CD1D: variants seen among roughly 807,000 people sequenced by gnomAD.
The protein encoded by CD1D is antigen-presenting glycoprotein CD1d.
In CD1D, 40 loss-of-function variants were observed where a neutral mutation model predicts 42.1. The observed-to-expected ratio is 0.95, with a 90% confidence interval of 0.74 to 1.24. CD1D has a LOEUF of 1.24. Among genes scored for constraint, CD1D ranks in the 50% most tolerant of loss-of-function variants. CD1D has a pLI of 0.00. For missense variants in CD1D, 437 were observed against 416.5 expected, an observed-to-expected ratio of 1.05 and a Z score of -0.43; for synonymous variants, 178 against 171.8, an observed-to-expected ratio of 1.04 and a Z score of -0.28.
Position 158,183,920 on chromosome 1 carries a change from T to G in CD1D, c.887-16T>G. On this transcript the variant is annotated splice_polypyrimidine_tract_variant and intron_variant, in intron 4 of 5. Transcript: ENST00000674085. ...GGGTCCTGTGCTGAGAGACAGCCTATGTTCCTCCAGAGCAGGTGGGAGCTA... is the reference window on the plus strand; with the variant it reads ...GGGTCCTGTGCTGAGAGACAGCCTAGGTTCCTCCAGAGCAGGTGGGAGCTA... 1 of 1,605,894 alleles carries G rather than the reference T, an allele frequency of 6.2e-7. No homozygotes were observed. Among genetic ancestry groups the G allele is most frequent in the South Asian group, 1.1e-5 (1 of 90,920 alleles).
rs1414546338 is a variant in CD1D at position 158,185,129 on chromosome 1, C to T, written c.*979C>T. On this transcript the variant is annotated 3_prime_UTR_variant, in exon 6 of 6. Coordinates refer to ENST00000674085, the MANE Select transcript of CD1D (RefSeq NM_001371762.2). ...CTGCAGCGATGATGGTGATGGTAGC[C>T]CAGCCATGCTGTGTTCTTATCTTAG... 6.6e-6 allele frequency among the ~76,000 whole-genome samples: 1 copy of T among 152,078 alleles called. No individual in the cohort carries two copies. Among genetic ancestry groups the T allele is most frequent in the African/African-American group, 2.4e-5 (1 of 41,396 alleles).
chr1:158,180,346 G>A (rs146318202), upstream of CD1D, among the ~76,000 whole-genome samples: 2 of 152,240 alleles, frequency 1.3e-5, no homozygotes, highest in Non-Finnish European at 1.5e-5. Flanking sequence ...AGCCTAGGGC[G>A]GAGAGGAGGA....
chr1:158,183,948 C>A lies in CD1D; in HGVS notation c.899C>A (p.Thr300Asn), dbSNP rs972355579. 3.1e-6 allele frequency: 5 copies of A among 1,613,928 alleles called. No individual in the cohort carries two copies. Among genetic ancestry groups the A allele is most frequent in the South Asian group, 2.2e-5 (2 of 91,080 alleles). ...DIVLYWGGSYTSMGLIALAVL... is the reference protein window; with the variant it reads ...DIVLYWGGSYNSMGLIALAVL... ...TCCTCCAGAGCAGGTGGGAGCTACA[C>A]CTCCATGGGCTTGATTGCCTTGGCA... is the stretch of plus-strand genomic sequence containing the variant. Residue 300 changes from threonine to asparagine, a missense_variant, in exon 5 of 6, where the codon ACC becomes AAC. Coordinates refer to ENST00000674085, the MANE Select transcript of CD1D (RefSeq NM_001371762.2).
chr1:158,181,025 G>C lies in CD1D; in HGVS notation c.-77G>C. The C allele has an allele frequency of 7.6e-7, 1 of 1,320,038 alleles. No homozygotes were observed. The highest frequency in any genetic ancestry group is 1.0e-6 in the Non-Finnish European group (1 of 976,436). 81.8% of individuals were successfully genotyped at this position (1,320,038 alleles called of 1,614,324 possible). A position where few individuals can be genotyped will look rare whatever the true frequency, so the allele number is the denominator to read the frequency against. ...CACCCAGCGGAAAGGGACGTGAGCTGAGCGGCGGGGGAGAAGAGTGCGCAG... is the reference window on the plus strand; with the variant it reads ...CACCCAGCGGAAAGGGACGTGAGCTCAGCGGCGGGGGAGAAGAGTGCGCAG... On this transcript the variant is annotated 5_prime_UTR_variant, in exon 1 of 6. Coordinates refer to ENST00000674085, the MANE Select transcript of CD1D (RefSeq NM_001371762.2).
rs1648535342 is a variant in CD1D, at chr1:158,183,119, C to T, written c.849C>T (p.His283=). The T allele has an allele frequency of 6.2e-7, 1 of 1,613,446 alleles. No individual in the cohort carries two copies. The part of the protein sequence containing the change: ...EAAGLSCRVK[H]SSLEGQDIVL... ...CTGGCCTGTCCTGTCGGGTGAAGCACAGCAGTCTAGAGGGCCAGGACATCG... is the reference window on the plus strand; with the variant it reads ...CTGGCCTGTCCTGTCGGGTGAAGCATAGCAGTCTAGAGGGCCAGGACATCG... The change falls in exon 4 of 6, where the codon CAC becomes CAT. Residue 283 remains histidine, a synonymous_variant. Transcript: ENST00000674085.
Position 158,181,121 on chromosome 1 carries a change from T to A in CD1D, c.20T>A (p.Leu7Gln). 1 of 1,548,432 alleles carries A rather than the reference T, an allele frequency of 6.5e-7. No homozygotes were observed. The highest frequency in any genetic ancestry group is 8.7e-7 in the Non-Finnish European group (1 of 1,146,262). ...GGCGATATGGGGTGCCTGCTGTTTC[T>A]GCTGCTCTGGGCGCTCCTCCAGGCT... is the stretch of plus-strand genomic sequence containing the variant. MGCLLF[L>Q]LLWALLQAWG... Residue 7 changes from leucine (L) to glutamine (Q), a missense_variant, in exon 1 of 6, where the codon CTG becomes CAG. Transcript: ENST00000674085.
chr1:158,183,496 G>T (rs1648556640), intron 4 of CD1D, among the ~76,000 whole-genome samples: 1 of 152,212 alleles, frequency 6.6e-6, no homozygotes, highest in South Asian at 2.1e-4. Flanking sequence ...AGCAAAGATA[G>T]CTTGGTTGGT....
Position 158,182,141 on chromosome 1 carries a change from A to G in CD1D, c.438A>G (p.Gly146=), listed in dbSNP as rs755899016. The G allele has an allele frequency of 9.3e-6, 15 of 1,614,176 alleles. No homozygotes were observed. Among genetic ancestry groups the G allele is most frequent in the Middle Eastern group, 1.6e-4 (1 of 6,062 alleles). ...FQGKDILSFQ[G]TSWEPTQEAP... Reference sequence around the variant, plus strand: ...GAAAAGATATCCTGAGTTTCCAAGGAACTTCTTGGGAGCCAACCCAAGAGG... The same window carrying G: ...GAAAAGATATCCTGAGTTTCCAAGGGACTTCTTGGGAGCCAACCCAAGAGG... Residue 146 remains glycine, a synonymous_variant, in exon 3 of 6, where the codon GGA becomes GGG. Transcript: ENST00000674085.
At chr1:158,182,829 A>ACTAG in intron 3 of CD1D, 49 bp from the exon 4 acceptor site, 2 of 1,550,714 alleles carry the variant, frequency 1.3e-6, no homozygotes, top group South Asian at 1.2e-5. Context: ...GGAGCCTCTA[A>ACTAG]TGCAGAGTTT....
rs763067209 is a variant in CD1D, at chr1:158,181,679, A to G, written c.286A>G (p.Thr96Ala). 29 of 1,613,076 alleles carry G rather than the reference A, an allele frequency of 1.8e-5. No individual in the cohort carries two copies. The highest frequency in any genetic ancestry group is 2.4e-5 in the Non-Finnish European group (28 of 1,180,028). The change falls in exon 2 of 6, where the codon ACC becomes GCC. Residue 96 changes from threonine to alanine, a missense_variant. Transcript: ENST00000674085. ...ATTTCGGGTTTATCGAAGCAGCTTC[A>G]CCAGGGACGTGAAGGAATTCGCCAA... is the stretch of plus-strand genomic sequence containing the variant. ...HIFRVYRSSF[T>A]RDVKEFAKML...
At chr1:158,183,206 G>T (rs377573082) in intron 4 of CD1D, 50 bp downstream of exon 4, 5 of 1,554,038 alleles carry the variant, frequency 3.2e-6, no homozygotes, top group Non-Finnish European at 2.6e-6. Flanking sequence ...TGGTCCTCAG[G>T]CATAGAGGGA....
intron 1 of CD1D, 27 bp from the exon 2 acceptor site, chr1:158,181,428 A>G (rs859013): frequency 0.14 from 221,633 of 1,607,924 alleles, 19,489 homozygotes; most frequent in East Asian, 0.39. Context: ...CACTTGCTAC[A>G]CGCCTCCAAT....
chr1:158,185,110 C>T lies in CD1D; in HGVS notation c.*960C>T, dbSNP rs1648650410. Among the ~76,000 whole-genome samples the T allele has an allele frequency of 6.6e-6, 1 of 151,850 alleles. No homozygotes were observed. Among genetic ancestry groups the T allele is most frequent in the Non-Finnish European group, 1.5e-5 (1 of 67,942 alleles). Reference sequence around the variant, plus strand: ...CCACTTGGGCAAGCATGAGCTGCAGCGATGATGGTGATGGTAGCCCAGCCA... The same window carrying T: ...CCACTTGGGCAAGCATGAGCTGCAGTGATGATGGTGATGGTAGCCCAGCCA... On this transcript the variant is annotated 3_prime_UTR_variant, in exon 6 of 6. Transcript: ENST00000674085.
chr1:158,182,780 A>G (rs761043773), intron 3 of CD1D, 98 bp from the exon 4 acceptor site: 2 of 1,369,372 alleles, frequency 1.5e-6, no homozygotes, highest in Admixed American at 4.5e-5. Flanking sequence ...GAAGGAGGGA[A>G]ATAAAGACCT....
At chr1:158,182,336 C>T (rs1162387524) in intron 3 of CD1D, 26 bp downstream of exon 3, 1 of 1,612,526 alleles carries the variant, frequency 6.2e-7, no homozygotes, top group South Asian at 1.1e-5. Flanking sequence ...TTACTCCCTG[C>T]ATTCCACTTC....
At position 158,181,113 on chromosome 1, in the gene CD1D, G is replaced by T; in HGVS notation, c.12G>T (p.Leu4=). ...CCACGCCGGGCGATATGGGGTGCCT[G>T]CTGTTTCTGCTGCTCTGGGCGCTCC... The part of the protein sequence containing the change: MGC[L]LFLLLWALLQ... Residue 4 remains leucine, a synonymous_variant, in exon 1 of 6, where the codon CTG becomes CTT. Transcript: ENST00000674085. The T allele has an allele frequency of 6.5e-7, 1 of 1,547,978 alleles. No individual in the cohort carries two copies.
chr1:158,182,843 CT>C (rs764933486), intron 3 of CD1D, 34 bp from the exon 4 acceptor site: 1 of 1,562,094 alleles, frequency 6.4e-7, no homozygotes, highest in African/African-American at 1.4e-5. Context: ...AGAGTTTTCA[CT>C]TTAAGATCCC....
Position 158,182,189 on chromosome 1 carries a change from C to T in CD1D, c.486C>T (p.Ala162=), listed in dbSNP as rs1648469799. ...AGGCCCCACTTTGGGTAAACTTGGCCATTCAAGTGCTCAACCAGGACAAGT... is the reference window on the plus strand; with the variant it reads ...AGGCCCCACTTTGGGTAAACTTGGCTATTCAAGTGCTCAACCAGGACAAGT... The part of the protein sequence containing the change: ...TQEAPLWVNL[A]IQVLNQDKWT... Residue 162 remains alanine (A), a synonymous_variant, in exon 3 of 6, where the codon GCC becomes GCT. Coordinates refer to ENST00000674085, the MANE Select transcript of CD1D (RefSeq NM_001371762.2). The T allele has an allele frequency of 6.2e-7, 1 of 1,614,158 alleles. No homozygotes were observed. The highest frequency in any genetic ancestry group is 8.5e-7 in the Non-Finnish European group (1 of 1,180,032).
chr1:158,183,849 T>C (rs1648575318), intron 4 of CD1D, 87 bp from the exon 5 acceptor site: 3 of 979,270 alleles, frequency 3.1e-6, no homozygotes, highest in Admixed American at 3.8e-5. Flanking sequence ...AAGCACCTGG[T>C]ACCCTCACAC....
Sources: allele counts gnomAD v4.1 joint callset (sites outside exome capture counted in the v4.1 genomes callset), GRCh38; gene constraint gnomAD v4.1.1; transcripts MANE v1.5; gene names NCBI Gene and HGNC (gene_info 2026-07-23, HGNC 2026-07-21).